SH3TC2: variants seen among roughly 807,000 people sequenced by gnomAD.
The protein encoded by SH3TC2 is SH3 domain and tetratricopeptide repeats 2, also known as SH3 domain and tetratricopeptide repeat-containing protein 2.
A neutral mutation model predicts 124.5 loss-of-function variants in SH3TC2; 87 were observed. That is an observed-to-expected ratio of 0.70 (90% CI 0.59 to 0.84). The LOEUF (loss-of-function observed/expected upper bound fraction) is 0.84, where lower values mean the gene tolerates loss of function less well. SH3TC2 is among the 40% of genes least tolerant of loss of function. SH3TC2 has a pLI of 0.00. For synonymous variants in SH3TC2, 634 were observed against 628.5 expected, an observed-to-expected ratio of 1.01 and a Z score of -0.13; for missense variants, 1,536 against 1,566.4, an observed-to-expected ratio of 0.98 and a Z score of 0.33.
Position 149,004,910 on chromosome 5 carries a change from C to A in SH3TC2, c.3676-8G>T. 2 of 1,614,140 alleles carry A rather than the reference C, an allele frequency of 1.2e-6. No homozygotes were observed. Among genetic ancestry groups the A allele is most frequent in the South Asian group, 2.2e-5 (2 of 91,070 alleles). On this transcript the variant is annotated splice_region_variant and splice_polypyrimidine_tract_variant and intron_variant, in intron 16 of 16. Coordinates refer to ENST00000515425, the MANE Select transcript of SH3TC2 (RefSeq NM_024577.4). ...AGTGGCATCATGGGCATCCTAACCCCGTGGTATGGGGGCAAAGAAGAGACA... is the reference window on the plus strand; with the variant it reads ...AGTGGCATCATGGGCATCCTAACCCAGTGGTATGGGGGCAAAGAAGAGACA...
Position 148,989,806 on chromosome 5 carries a change from G to A in SH3TC2, c.*14905C>T, listed in dbSNP as rs1580877302. Among the ~76,000 whole-genome samples the A allele has an allele frequency of 1.3e-5, 2 of 152,192 alleles. No homozygotes were observed. Among genetic ancestry groups the A allele is most frequent in the East Asian group, 3.8e-4 (2 of 5,198 alleles). ...TTCAACAATCTGGTATTCAGAAGCA[G>A]CTGGAATGAACGGAGAGAGAAGAAC... On this transcript the variant is annotated 3_prime_UTR_variant, in exon 17 of 17. Coordinates refer to ENST00000515425, the MANE Select transcript of SH3TC2 (RefSeq NM_024577.4).
In SH3TC2 at chr5:149,061,979, T is replaced by A. The variant is rs116377552; in HGVS notation, c.52+992A>T. On this transcript the variant is annotated intron_variant, in intron 1 of 16. Coordinates refer to ENST00000515425, the MANE Select transcript of SH3TC2 (RefSeq NM_024577.4). ...TCAAGCAGAGGAAGCAGAATATGGT[T>A]GTTTTGGGTTCACTTTAATGACCTC... Among the ~76,000 whole-genome samples the A allele has an allele frequency of 4.1e-3, 631 of 152,114 alleles. 6 individuals are homozygous for A. The highest frequency in any genetic ancestry group is 0.014 in the African/African-American group (601 of 41,462).
At chr5:149,062,206 C>T (rs546712871) in intron 1 of SH3TC2, 3 of 408,960 alleles carry the variant, frequency 7.3e-6, no homozygotes, top group South Asian at 1.9e-5. Context: ...AGCCTCCCCC[C>T]ACCAATCTAA....
intron 1 of SH3TC2, among the ~76,000 whole-genome samples, chr5:149,054,602 T>C (rs1754611466): frequency 6.6e-6 from 1 of 152,206 alleles, no homozygotes; most frequent in African/African-American, 2.4e-5. Context: ...TTTGAACTGC[T>C]TGACATCATT....
intron 1 of SH3TC2, among the ~76,000 whole-genome samples, chr5:149,060,831 G>T (rs748324802): frequency 6.6e-6 from 1 of 152,182 alleles, no homozygotes. Flanking sequence ...CATGGGATAA[G>T]TACCACCATT....
chr5:149,023,287 T>C (rs538292600), intron 12 of SH3TC2, among the ~76,000 whole-genome samples: 12 of 152,328 alleles, frequency 7.9e-5, no homozygotes, highest in East Asian at 3.9e-4. Context: ...AAATGTTGGA[T>C]TGACATTTCA....
intron 1 of SH3TC2, among the ~76,000 whole-genome samples, chr5:149,056,602 A>C (rs1384033023): frequency 6.6e-6 from 1 of 152,150 alleles, no homozygotes; most frequent in Non-Finnish European, 1.5e-5. Flanking sequence ...TTTAATTAGC[A>C]CTTTGGGTAT....
chr5:149,062,875 G>A, intron 1 of SH3TC2, 96 bp downstream of exon 1: 1 of 1,184,074 alleles, frequency 8.4e-7, no homozygotes. Flanking sequence ...CCCCATCTTT[G>A]GGAGAAAAGT....
chr5:149,041,672 G>T, intron 5 of SH3TC2, 55 bp from the exon 6 acceptor site: 2 of 1,570,018 alleles, frequency 1.3e-6, no homozygotes, highest in South Asian at 2.2e-5. Flanking sequence ...AAGTGAAAAC[G>T]GATTATCACA....
At chr5:149,029,185 C>T (rs773685652) in intron 9 of SH3TC2, among the ~76,000 whole-genome samples, 1 of 152,210 alleles carries the variant, frequency 6.6e-6, no homozygotes, top group African/African-American at 2.4e-5. Context: ...TCACATCCTT[C>T]CTTCTTGCCT....
rs1475469888 is a variant in SH3TC2, at chr5:148,996,797, C to T, written c.*7914G>A. On this transcript the variant is annotated 3_prime_UTR_variant, in exon 17 of 17. Transcript: ENST00000515425. The stretch of plus-strand genomic sequence containing the variant: ...GGCCCGTGCAAGGAAGATCAAGTAG[C>T]TGAGAGTCATACAGATCATGTTTAA... 6.6e-6 allele frequency among the ~76,000 whole-genome samples: 1 copy of T among 152,150 alleles called. No individual in the cohort carries two copies. Among genetic ancestry groups the T allele is most frequent in the Non-Finnish European group, 1.5e-5 (1 of 68,022 alleles).
At chr5:149,042,022 A>G (rs1301900743) in intron 5 of SH3TC2, among the ~76,000 whole-genome samples, 3 of 152,240 alleles carry the variant, frequency 2.0e-5, no homozygotes, top group South Asian at 2.1e-4. Flanking sequence ...TTACTCCAAT[A>G]AGTTTTATAA....
chr5:149,028,459 A>T lies in SH3TC2; in HGVS notation c.1273T>A (p.Ser425Thr). The T allele has an allele frequency of 1.2e-6, 2 of 1,612,924 alleles. No individual in the cohort carries two copies. Among genetic ancestry groups the T allele is most frequent in the Non-Finnish European group, 1.7e-6 (2 of 1,179,394 alleles). Residue 425 changes from serine to threonine, a missense_variant, in exon 11 of 17, where the codon TCC becomes ACC. Physicochemically the swap from Ser to Thr is moderately conservative, Grantham distance 58. Transcript: ENST00000515425. ...GAGAGGAGCTCCTCCTCCAGGCTGGAGTCCTCAGAGCTGCTGGACTGTCTG... is the reference window on the plus strand; with the variant it reads ...GAGAGGAGCTCCTCCTCCAGGCTGGTGTCCTCAGAGCTGCTGGACTGTCTG... ...GSRQSSSSED[S>T]SLEEELLSAT...
At chr5:149,005,668 G>T (rs188591750) in intron 16 of SH3TC2, among the ~76,000 whole-genome samples, 104 of 152,270 alleles carry the variant, frequency 6.8e-4, no homozygotes, top group African/African-American at 2.5e-3. Flanking sequence ...AGAAACAGAT[G>T]CTTCTTTGGG....
At chr5:149,026,292 A>G in intron 12 of SH3TC2, 1 of 477,464 alleles carries the variant, frequency 2.1e-6, no homozygotes, top group Non-Finnish European at 3.8e-6. Context: ...TTTTATGAGC[A>G]TTAACTCATT....
chr5:149,005,878 A>G (rs1753679594), intron 16 of SH3TC2, among the ~76,000 whole-genome samples: 1 of 152,190 alleles, frequency 6.6e-6, no homozygotes, highest in Non-Finnish European at 1.5e-5. Context: ...GACCTCTAGT[A>G]AAAGGAAGCC....
At chr5:149,034,457 G>T in intron 8 of SH3TC2, 1 of 402,076 alleles carries the variant, frequency 2.5e-6, no homozygotes, top group Non-Finnish European at 5.0e-6. Flanking sequence ...AAGGAAGAAG[G>T]ACTGAAAATT....
In SH3TC2 at chr5:149,002,607, A is replaced by G. The variant is rs1450770217; in HGVS notation, c.*2104T>C. Reference sequence around the variant, plus strand: ...CACTCCCATCTCACCCTTTCATACAACCAATCATCTGGTCAGCCCAAGAAG... The same window carrying G: ...CACTCCCATCTCACCCTTTCATACAGCCAATCATCTGGTCAGCCCAAGAAG... On this transcript the variant is annotated 3_prime_UTR_variant, in exon 17 of 17. Coordinates refer to ENST00000515425, the MANE Select transcript of SH3TC2 (RefSeq NM_024577.4). The G allele has an allele frequency of 6.6e-6, 1 of 152,140 alleles. No homozygotes were observed. Among genetic ancestry groups the G allele is most frequent in the Non-Finnish European group, 1.5e-5 (1 of 68,032 alleles). 9.4% of individuals were successfully genotyped at this position (152,140 alleles called of 1,614,324 possible). A position where few individuals can be genotyped will look rare whatever the true frequency, so the allele number is the denominator to read the frequency against.
intron 12 of SH3TC2, among the ~76,000 whole-genome samples, chr5:149,022,878 G>T (rs530419367): frequency 2.6e-5 from 4 of 152,304 alleles, no homozygotes; most frequent in Admixed American, 1.3e-4. Flanking sequence ...GGTTTCCAGG[G>T]TTGGAGTGAG....
Sources: allele counts gnomAD v4.1 joint callset (sites outside exome capture counted in the v4.1 genomes callset), GRCh38; gene constraint gnomAD v4.1.1; transcripts MANE v1.5; gene names NCBI Gene and HGNC (gene_info 2026-07-23, HGNC 2026-07-21).